The following ANKDD1A variants were observed in gnomAD, a reference collection of about 807,000 sequenced individuals.
ANKDD1A encodes the protein ankyrin repeat and death domain-containing protein 1A.
A neutral mutation model predicts 63.5 loss-of-function variants in ANKDD1A; 59 were observed. The observed-to-expected ratio is 0.93, with a 90% confidence interval of 0.75 to 1.15. The LOEUF (loss-of-function observed/expected upper bound fraction) is 1.15, where lower values mean the gene tolerates loss of function less well. Among genes scored for constraint, ANKDD1A ranks in the 50% most tolerant of loss-of-function variants. The probability of loss-of-function intolerance (pLI) is 0.00; values close to 1 mark genes in which losing one functional copy is unlikely to be tolerated. For missense variants in ANKDD1A, 632 were observed against 656.4 expected, an observed-to-expected ratio of 0.96 and a Z score of 0.41; for synonymous variants, 266 against 263.9, an observed-to-expected ratio of 1.01 and a Z score of -0.08.
At chr15:64,948,687 A>G (rs2085243281) in intron 13 of ANKDD1A, among the ~76,000 whole-genome samples, 1 of 151,984 alleles carries the variant, frequency 6.6e-6, no homozygotes, top group African/African-American at 2.4e-5. Flanking sequence ...TTAGCTGGGC[A>G]TGATGGTCGG....
chr15:64,940,779 C>T (rs1025589596), intron 9 of ANKDD1A, among the ~76,000 whole-genome samples: 2 of 152,042 alleles, frequency 1.3e-5, no homozygotes, highest in African/African-American at 4.8e-5. Context: ...CACTCTGTTG[C>T]CCAGGTTGGA....
In ANKDD1A at chr15:64,934,077, T is replaced by G. The variant is rs577667026; in HGVS notation, c.769-59T>G. On this transcript the variant is annotated intron_variant, in intron 8 of 14. Transcript: ENST00000319580. ...ATGGAAAAATGAATCTCGAAGAGCTTTGCAAACCTCAGTAGGAGGGGTCCT... is the reference window on the plus strand; with the variant it reads ...ATGGAAAAATGAATCTCGAAGAGCTGTGCAAACCTCAGTAGGAGGGGTCCT... The G allele has an allele frequency of 1.9e-4, 273 of 1,431,834 alleles. No individual in the cohort carries two copies. In the African/African-American group the frequency reaches 3.6e-3, roughly 19 times the overall value. 88.7% of individuals were successfully genotyped at this position (1,431,834 alleles called of 1,614,324 possible). A position where few individuals can be genotyped will look rare whatever the true frequency, so the allele number is the denominator to read the frequency against.
At chr15:64,929,785 A>T (rs2085074782) in intron 6 of ANKDD1A, among the ~76,000 whole-genome samples, 2 of 152,188 alleles carry the variant, frequency 1.3e-5, no homozygotes, top group Non-Finnish European at 2.9e-5. Context: ...AGAGAACAAA[A>T]TAGATGCCCC....
At chr15:64,954,322 G>C (rs201937805) in intron 14 of ANKDD1A, among the ~76,000 whole-genome samples, 18 of 141,160 alleles carry the variant, frequency 1.3e-4, no homozygotes, top group Admixed American at 2.9e-4. Context: ...TTCCTTCTTA[G>C]TTCTTCCTTC....
At chr15:64,934,666 ATTT>A (rs557531003) in intron 9 of ANKDD1A, among the ~76,000 whole-genome samples, 6 of 119,880 alleles carry the variant, frequency 5.0e-5, no homozygotes, top group South Asian at 2.8e-4. Context: ...TGCCCAGCTA[ATTT>A]TTTTTTTTTT....
At chr15:64,923,352 C>G (rs368935093) in intron 4 of ANKDD1A, among the ~76,000 whole-genome samples, 1 of 152,102 alleles carries the variant, frequency 6.6e-6, no homozygotes, top group Non-Finnish European at 1.5e-5. Flanking sequence ...GAGTTCTGAC[C>G]TCTAGTATTG....
At chr15:64,951,850 CTTTCTTCTTCCTCTT>C (rs1164645576) in intron 14 of ANKDD1A, among the ~76,000 whole-genome samples, 5 of 50,890 alleles carry the variant, frequency 9.8e-5, no homozygotes, top group Non-Finnish European at 2.5e-4. Flanking sequence ...CTTTCTTCTT[CTTTCTTCTTCCTCTT>C]CTTTTTCTTT....
chr15:64,931,885 G>A, intron 8 of ANKDD1A: 3 of 507,814 alleles, frequency 5.9e-6, no homozygotes, highest in East Asian at 5.9e-5. Context: ...CTCAATACCT[G>A]TTAGTGTTTT....
intron 14 of ANKDD1A, among the ~76,000 whole-genome samples, chr15:64,953,488 C>CTTTAG (rs1595860193): frequency 1.8e-4 from 6 of 33,902 alleles, no homozygotes; most frequent in Non-Finnish European, 4.8e-4. Flanking sequence ...CCTTCTCCTT[C>CTTTAG]TTCTTTAGTT....
intron 14 of ANKDD1A, among the ~76,000 whole-genome samples, chr15:64,951,691 C>CTTATTCTTTTT (rs1218099535): frequency 2.4e-4 from 28 of 117,594 alleles, no homozygotes; most frequent in East Asian, 1.8e-3. Flanking sequence ...TTTCTTCTTC[C>CTTATTCTTTTT]TCTTCTTCTT....
chr15:64,916,012 A>C, intron 2 of ANKDD1A, 112 bp downstream of exon 2: 1 of 1,036,366 alleles, frequency 9.6e-7, no homozygotes, highest in Non-Finnish European at 1.4e-6. Flanking sequence ...GCATGTGTAA[A>C]CTTGGAGGGA....
chr15:64,939,820 A>C (rs758838609), intron 9 of ANKDD1A, among the ~76,000 whole-genome samples: 30 of 152,196 alleles, frequency 2.0e-4, no homozygotes, highest in Non-Finnish European at 3.7e-4. Flanking sequence ...CCTCAACTAA[A>C]ACCTCACACC....
chr15:64,915,357 G>A (rs148387423), intron 1 of ANKDD1A, among the ~76,000 whole-genome samples: 118 of 152,320 alleles, frequency 7.7e-4, no homozygotes, highest in African/African-American at 2.3e-3. Context: ...CATGCCTCTG[G>A]CCTCACCCGG....
At chr15:64,912,062 C>T (rs1209578804) in intron 1 of ANKDD1A, 98 bp downstream of exon 1, 2 of 1,151,146 alleles carry the variant, frequency 1.7e-6, no homozygotes, top group African/African-American at 1.6e-5. Flanking sequence ...GCCCTCCGAA[C>T]GGCCACCTCC....
In ANKDD1A at chr15:64,955,743, TA is replaced by T. The variant is rs1327306225; in HGVS notation, c.1484-1356del. ...GCCTGAGACTGGAAAGGAGATAAAATAAAACAGCTGACAGGAGCTTTGGTAG... is the reference window on the plus strand; with the variant it reads ...GCCTGAGACTGGAAAGGAGATAAAATAAACAGCTGACAGGAGCTTTGGTAG... On this transcript the variant is annotated intron_variant, in intron 14 of 14. Transcript: ENST00000319580. Among the ~76,000 whole-genome samples the T allele has an allele frequency of 2.0e-5, 3 of 152,152 alleles. No individual in the cohort carries two copies. In the East Asian group the frequency reaches 5.8e-4, roughly 29 times the overall value.
rs1555397855 is a variant in ANKDD1A at position 64,953,615 on chromosome 15, C to CTTCTTCTTCTTCTTCTTAG, written c.1484-3473_1484-3472insTTAGTTCTTCTTCTTCTTC. Among the ~76,000 whole-genome samples, 540 of 109,006 alleles carry CTTCTTCTTCTTCTTCTTAG rather than the reference C, an allele frequency of 5.0e-3. 14 individuals carry two copies. Among genetic ancestry groups the CTTCTTCTTCTTCTTCTTAG allele is most frequent in the African/African-American group, 0.017 (471 of 27,356 alleles). The allele number at this position is 109,006 out of a possible 152,430, so 71.5% of individuals were successfully genotyped here. The stretch of plus-strand genomic sequence containing the variant: ...TTCTCCTTTTCTTCTTTCTTCTCTC[C>CTTCTTCTTCTTCTTCTTAG]TTCTTCTTCTTCTTCCTTCTTCTTC... On this transcript the variant is annotated intron_variant, in intron 14 of 14. Coordinates refer to ENST00000319580, the MANE Select transcript of ANKDD1A (RefSeq NM_182703.6).
chr15:64,911,983 G>A lies in ANKDD1A; in HGVS notation c.34+19G>A. 3 of 509,570 alleles carry A rather than the reference G, an allele frequency of 5.9e-6. No individual in the cohort carries two copies. The highest frequency in any genetic ancestry group is 4.1e-5 in the East Asian group (1 of 24,574). 31.6% of individuals were successfully genotyped at this position (509,570 alleles called of 1,614,324 possible). ...GACGGCCGTGAGTCTGCCTGGAGGAGGGAGGGGGGCGGGCCGAGGCCGAGA... is the reference window on the plus strand; with the variant it reads ...GACGGCCGTGAGTCTGCCTGGAGGAAGGAGGGGGGCGGGCCGAGGCCGAGA... On this transcript the variant is annotated intron_variant, in intron 1 of 14. Coordinates refer to ENST00000319580, the MANE Select transcript of ANKDD1A (RefSeq NM_182703.6).
At position 64,942,479 on chromosome 15, in the gene ANKDD1A, C is replaced by A. The variant is rs536800029; in HGVS notation, c.880C>A (p.Pro294Thr). ...ANVVDHQGAS[P>T]LHLAVRHNFP... is the part of the protein sequence containing the mutation. ...TCTCCTCCCACAGCAGGGTGCCTCT[C>A]CTCTGCACCTCGCTGTGAGGCACAA... The change falls in exon 10 of 15, where the codon CCT (proline) becomes ACT (threonine). Residue 294 changes from proline to threonine, a missense_variant. Pro to Thr is a conservative substitution (Grantham distance 38). Coordinates refer to ENST00000319580, the MANE Select transcript of ANKDD1A (RefSeq NM_182703.6). The A allele has an allele frequency of 1.4e-5, 22 of 1,612,690 alleles. No homozygotes were observed. The African/African-American group carries it at 2.5e-4, about 19-fold the overall frequency.
At chr15:64,917,329 T>G in intron 2 of ANKDD1A, 57 bp from the exon 3 acceptor site, 2 of 1,529,958 alleles carry the variant, frequency 1.3e-6, no homozygotes, top group South Asian at 1.3e-5. Context: ...GTGTGGGAGG[T>G]GGTCCAGGCA....
Sources: allele counts gnomAD v4.1 joint callset (sites outside exome capture counted in the v4.1 genomes callset), GRCh38; gene constraint gnomAD v4.1.1; transcripts MANE v1.5; gene names NCBI Gene and HGNC (gene_info 2026-07-23, HGNC 2026-07-21).